DOCK1: variants seen among roughly 807,000 people sequenced by gnomAD.
DOCK1 encodes the protein dedicator of cytokinesis 1.
In DOCK1, 138 loss-of-function variants were observed where a neutral mutation model predicts 262.7. That is an observed-to-expected ratio of 0.53 (90% CI 0.46 to 0.61). The LOEUF is 0.61. DOCK1 is among the 20% of genes least tolerant of loss of function. DOCK1 has a pLI of 0.00. For missense variants in DOCK1, 1,908 were observed against 2,370.7 expected, an observed-to-expected ratio of 0.80 and a Z score of 4.05; for synonymous variants, 866 against 867.4, an observed-to-expected ratio of 1.00 and a Z score of 0.03.
intron 23 of DOCK1, among the ~76,000 whole-genome samples, chr10:127,105,829 G>C (rs2048496953): frequency 6.6e-6 from 1 of 152,082 alleles, no homozygotes; most frequent in Non-Finnish European, 1.5e-5. Flanking sequence ...CTGTGAACAC[G>C]GCTCACTGCA....
intron 37 of DOCK1, among the ~76,000 whole-genome samples, chr10:127,381,635 C>A (rs2065829985): frequency 6.6e-6 from 1 of 152,296 alleles, no homozygotes; most frequent in African/African-American, 2.4e-5. Context: ...GAGCTGACAG[C>A]AAGTTAGAGA....
chr10:127,116,056 A>C (rs908282279), intron 25 of DOCK1, among the ~76,000 whole-genome samples: 1 of 152,140 alleles, frequency 6.6e-6, no homozygotes. Flanking sequence ...TCTTGCAAAT[A>C]GTTGGATACT....
chr10:127,003,927 T>C (rs1259446272), intron 10 of DOCK1, among the ~76,000 whole-genome samples: 1 of 151,052 alleles, frequency 6.6e-6, no homozygotes, highest in Non-Finnish European at 1.5e-5. Context: ...GCGCTCCAGC[T>C]TGGGGAACAG....
intron 23 of DOCK1, among the ~76,000 whole-genome samples, chr10:127,103,103 C>T (rs909651922): frequency 1.3e-5 from 2 of 152,174 alleles, no homozygotes; most frequent in African/African-American, 2.4e-5. Context: ...CGTTCACGTG[C>T]ATCTGTGTTC....
intron 11 of DOCK1, among the ~76,000 whole-genome samples, chr10:127,011,718 G>C (rs56081602): frequency 0.095 from 14,486 of 152,042 alleles, 784 homozygotes; most frequent in East Asian, 0.21. Flanking sequence ...GTCACTTGAG[G>C]GACTATTGTG....
At chr10:127,199,837 G>T (rs944006354) in intron 27 of DOCK1, among the ~76,000 whole-genome samples, 17 of 152,310 alleles carry the variant, frequency 1.1e-4, no homozygotes, top group Admixed American at 9.8e-4. Flanking sequence ...TCATCACTGT[G>T]TCATTGCAAT....
At chr10:127,007,863 A>G (rs1158414071) in intron 10 of DOCK1, among the ~76,000 whole-genome samples, 1 of 152,080 alleles carries the variant, frequency 6.6e-6, no homozygotes, top group African/African-American at 2.4e-5. Flanking sequence ...GTTACTGAGG[A>G]TTTGCCTTGA....
At chr10:127,120,787 A>C (rs1265207436) in intron 25 of DOCK1, among the ~76,000 whole-genome samples, 1 of 152,200 alleles carries the variant, frequency 6.6e-6, no homozygotes, top group African/African-American at 2.4e-5. Context: ...ATTAGATTTC[A>C]CATGCTCAGA....
chr10:127,304,610 G>A (rs2061808672), intron 29 of DOCK1, among the ~76,000 whole-genome samples: 1 of 152,184 alleles, frequency 6.6e-6, no homozygotes, highest in African/African-American at 2.4e-5. Context: ...GTGAGGTCAG[G>A]TGTGTTGGCT....
intron 27 of DOCK1, among the ~76,000 whole-genome samples, chr10:127,172,936 CTG>C (rs1205749529): frequency 2.0e-5 from 3 of 152,178 alleles, no homozygotes; most frequent in African/African-American, 7.2e-5. Context: ...ACTGCTGTGA[CTG>C]TGAAGTTTCA....
At chr10:127,270,326 C>A (rs373761389) in intron 29 of DOCK1, among the ~76,000 whole-genome samples, 1 of 152,238 alleles carries the variant, frequency 6.6e-6, no homozygotes, top group African/African-American at 2.4e-5. Context: ...GAATTCCTTA[C>A]TGTGCAGAGC....
intron 16 of DOCK1, 113 bp from the exon 17 acceptor site, chr10:127,031,537 T>C: frequency 1.3e-6 from 1 of 765,440 alleles, no homozygotes; most frequent in African/African-American, 1.7e-5. Context: ...TTAATACCTG[T>C]TTGTATAATT....
chr10:127,217,692 G>GT (rs564277007), intron 27 of DOCK1, among the ~76,000 whole-genome samples: 215 of 152,276 alleles, frequency 1.4e-3, no homozygotes, highest in Non-Finnish European at 2.3e-3. Flanking sequence ...CTATATGCTA[G>GT]TAACATTTAT....
chr10:127,433,971 C>T (rs1256527541), intron 48 of DOCK1, among the ~76,000 whole-genome samples: 3 of 151,980 alleles, frequency 2.0e-5, no homozygotes, highest in Non-Finnish European at 2.9e-5. Flanking sequence ...AAGCAAGGTG[C>T]AGTCCGGGCT....
chr10:127,197,166 C>T (rs945968853), intron 27 of DOCK1, among the ~76,000 whole-genome samples: 11 of 152,106 alleles, frequency 7.2e-5, no homozygotes, highest in African/African-American at 2.4e-4. Flanking sequence ...GTGGGAGGGC[C>T]TGCCTGGTAA....
intron 1 of DOCK1, among the ~76,000 whole-genome samples, chr10:126,941,352 C>T (rs1353029974): frequency 1.3e-5 from 2 of 152,140 alleles, no homozygotes; most frequent in Non-Finnish European, 2.9e-5. Context: ...ATTGCATTAC[C>T]TAAATTCTGA....
chr10:127,148,293 C>T (rs539838737), intron 27 of DOCK1, among the ~76,000 whole-genome samples: 12 of 152,156 alleles, frequency 7.9e-5, no homozygotes, highest in Non-Finnish European at 1.5e-4. Context: ...GCAGACACAG[C>T]GTGCTCCGGG....
At chr10:127,120,246 A>G (rs1337285200) in intron 25 of DOCK1, among the ~76,000 whole-genome samples, 2 of 152,204 alleles carry the variant, frequency 1.3e-5, no homozygotes, top group African/African-American at 2.4e-5. Flanking sequence ...GATAAGAGAG[A>G]GCTGTGGCCA....
At chr10:127,101,237 G>A (rs930632360) in intron 23 of DOCK1, among the ~76,000 whole-genome samples, 1 of 151,886 alleles carries the variant, frequency 6.6e-6, no homozygotes, top group African/African-American at 2.4e-5. Context: ...GATGGGAGGG[G>A]TGGGGGTCAG....
Sources: allele counts gnomAD v4.1 joint callset (sites outside exome capture counted in the v4.1 genomes callset), GRCh38; gene constraint gnomAD v4.1.1; transcripts MANE v1.5; gene names NCBI Gene and HGNC (gene_info 2026-07-23, HGNC 2026-07-21).